Variants in SLC4A4 observed in about 807,000 individuals in gnomAD.
SLC4A4 encodes solute carrier family 4 member 4.
A neutral mutation model predicts 111.5 loss-of-function variants in SLC4A4; 27 were observed. That is an observed-to-expected ratio of 0.24 (90% CI 0.18 to 0.33). The LOEUF (loss-of-function observed/expected upper bound fraction) is 0.33, where lower values mean the gene tolerates loss of function less well. SLC4A4 is among the 10% of genes least tolerant of loss of function. SLC4A4 has a pLI of 1.00. For missense variants in SLC4A4, 909 were observed against 1,315.5 expected (o/e 0.69, Z 4.78); for synonymous variants, 443 against 463.4 (o/e 0.96, Z 0.57).
rs149923777 is a variant in SLC4A4 at position 71,138,838 on chromosome 4, C to T, written c.-2+46046C>T. On this transcript the variant is annotated intron_variant, in intron 2 of 26. Coordinates refer to the SLC4A4 transcript ENST00000649996. ...GATCACGAGGTCAGGAGATTGAGAC[C>T]ATTCTGCCTAACACGGTGAAACCCT... is the stretch of plus-strand genomic sequence containing the variant. 2.4e-3 allele frequency among the ~76,000 whole-genome samples: 365 copies of T among 152,038 alleles called. 3 individuals are homozygous for T. The highest frequency in any genetic ancestry group is 8.2e-3 in the African/African-American group (340 of 41,466).
chr4:71,559,220 G>T (rs1443577933), intron 22 of SLC4A4, among the ~76,000 whole-genome samples: 3 of 151,826 alleles, frequency 2.0e-5, no homozygotes, highest in Non-Finnish European at 2.9e-5. Flanking sequence ...AGCAAGTCAG[G>T]ATGCCTATAA....
intron 12 of SLC4A4, among the ~76,000 whole-genome samples, chr4:71,454,003 G>T (rs139473954): frequency 4.6e-5 from 7 of 152,252 alleles, no homozygotes; most frequent in Non-Finnish European, 8.8e-5. Flanking sequence ...TGACTATGTG[G>T]AACATATTCT....
At chr4:71,514,130 GTGAT>G (rs1732171171) in intron 16 of SLC4A4, among the ~76,000 whole-genome samples, 1 of 152,100 alleles carries the variant, frequency 6.6e-6, no homozygotes, top group South Asian at 2.1e-4. Flanking sequence ...TGGTATCAGG[GTGAT>G]ATTAGCCTCA....
At chr4:71,203,910 G>A (rs1746365258) in intron 1 of SLC4A4, among the ~76,000 whole-genome samples, 1 of 145,070 alleles carries the variant, frequency 6.9e-6, no homozygotes, top group Non-Finnish European at 1.5e-5. Context: ...GACATGTTTA[G>A]TAAACTCACT....
chr4:71,219,455 G>C (rs542008612), intron 1 of SLC4A4, among the ~76,000 whole-genome samples: 82 of 152,292 alleles, frequency 5.4e-4, no homozygotes, highest in African/African-American at 1.7e-3. Flanking sequence ...TATTGACAAA[G>C]TGCCTGGTTA....
intron 2 of SLC4A4, among the ~76,000 whole-genome samples, chr4:71,149,459 T>C (rs762187365): frequency 6.6e-6 from 1 of 152,154 alleles, no homozygotes; most frequent in Non-Finnish European, 1.5e-5. Context: ...ATTTTGTATA[T>C]TAAAAGCATT....
At chr4:71,338,942 T>TG in intron 3 of SLC4A4, 1 of 699,258 alleles carries the variant, frequency 1.4e-6, no homozygotes, top group Non-Finnish European at 2.1e-6. Context: ...GGCGGGGACT[T>TG]GGGGGATCTC....
intron 2 of SLC4A4, among the ~76,000 whole-genome samples, chr4:71,100,517 C>T (rs1049377672): frequency 2.0e-5 from 3 of 152,046 alleles, no homozygotes; most frequent in Non-Finnish European, 2.9e-5. Context: ...GCTGGAAGCA[C>T]CCCCCTTGAA....
intron 2 of SLC4A4, among the ~76,000 whole-genome samples, chr4:71,122,014 C>T (rs1316303471): frequency 6.6e-6 from 1 of 152,098 alleles, no homozygotes; most frequent in Non-Finnish European, 1.5e-5. Context: ...AGGTCTGCAG[C>T]TTCACTCCTG....
chr4:71,084,251 T>G (rs929310448), intron 1 of SLC4A4, among the ~76,000 whole-genome samples: 5 of 152,072 alleles, frequency 3.3e-5, no homozygotes, highest in African/African-American at 9.7e-5. Context: ...CCTTGAAGTA[T>G]AGTCTATAAT....
At chr4:71,459,579 A>G (rs1002453025) in intron 12 of SLC4A4, among the ~76,000 whole-genome samples, 1 of 152,084 alleles carries the variant, frequency 6.6e-6, no homozygotes, top group East Asian at 1.9e-4. Context: ...TGCTATTACT[A>G]TAACAGAGCC....
intron 16 of SLC4A4, among the ~76,000 whole-genome samples, chr4:71,499,002 T>C (rs1461290982): frequency 1.3e-5 from 2 of 152,186 alleles, no homozygotes; most frequent in East Asian, 1.9e-4. Context: ...GGAAATGTGC[T>C]TTCTTGATAC....
chr4:71,359,029 A>C (rs932260085), intron 6 of SLC4A4, among the ~76,000 whole-genome samples: 5 of 152,238 alleles, frequency 3.3e-5, no homozygotes, highest in Non-Finnish European at 7.3e-5. Flanking sequence ...TATGGCATGC[A>C]GGAGGCTTTC....
chr4:71,128,571 C>A (rs1302712383), intron 2 of SLC4A4, among the ~76,000 whole-genome samples: 1 of 152,178 alleles, frequency 6.6e-6, no homozygotes, highest in Non-Finnish European at 1.5e-5. Context: ...TCACTGCAAC[C>A]TCTGCCTCCC....
chr4:71,215,717 T>C (rs1169085812), intron 1 of SLC4A4, among the ~76,000 whole-genome samples: 2 of 152,314 alleles, frequency 1.3e-5, no homozygotes, highest in Non-Finnish European at 2.9e-5. Context: ...TAGTGGTAAC[T>C]ACTGGGTGTG....
intron 3 of SLC4A4, among the ~76,000 whole-genome samples, chr4:71,256,542 AT>A: frequency 6.6e-6 from 1 of 152,168 alleles, no homozygotes; most frequent in East Asian, 1.9e-4. Flanking sequence ...GAGATGGATC[AT>A]GAAATCTAAA....
chr4:71,281,717 A>G (rs992836002), intron 3 of SLC4A4, among the ~76,000 whole-genome samples: 2 of 152,210 alleles, frequency 1.3e-5, no homozygotes, highest in African/African-American at 4.8e-5. Flanking sequence ...CACAACATGT[A>G]TTATATTAAG....
intron 1 of SLC4A4, among the ~76,000 whole-genome samples, chr4:71,203,503 G>A (rs1746349349): frequency 6.6e-6 from 1 of 152,044 alleles, no homozygotes; most frequent in African/African-American, 2.4e-5. Flanking sequence ...CTTTGCAGAG[G>A]GTCCTGCTCA....
chr4:71,339,180 A>G, intron 3 of SLC4A4, 190 bp from the exon 4 acceptor site: 1 of 1,613,970 alleles, frequency 6.2e-7, no homozygotes, highest in East Asian at 2.2e-5. Context: ...TTCAGAACCA[A>G]AGGAATAGAG....
Sources: gnomAD v4.1 joint callset for allele counts (sites outside exome capture counted in the v4.1 genomes callset) on GRCh38, gnomAD v4.1.1 for gene constraint, MANE v1.5 for transcripts, NCBI Gene and HGNC (gene_info 2026-07-23, HGNC 2026-07-21) for gene names.